Variants in PRKCA observed in about 807,000 individuals in gnomAD.
PRKCA encodes the protein protein kinase C alpha.
A neutral mutation model predicts 87.0 loss-of-function variants in PRKCA; 27 were observed. That is an observed-to-expected ratio of 0.31 (90% CI 0.23 to 0.43). PRKCA has a LOEUF of 0.43. PRKCA is among the 20% of genes least tolerant of loss of function. The probability of loss-of-function intolerance (pLI) is 1.00; values close to 1 mark genes in which losing one functional copy is unlikely to be tolerated. For missense variants in PRKCA, 518 were observed against 852.3 expected, an observed-to-expected ratio of 0.61 and a Z score of 4.88; for synonymous variants, 329 against 311.1, an observed-to-expected ratio of 1.06 and a Z score of -0.61.
At position 66,724,525 on chromosome 17, in the gene PRKCA, A is replaced by G. The variant is rs184180473; in HGVS notation, c.919-8163A>G. Among the ~76,000 whole-genome samples the G allele has an allele frequency of 3.9e-3, 593 of 152,294 alleles. 4 individuals are homozygous for G. The highest frequency in any genetic ancestry group is 0.024 in the Middle Eastern group (7 of 294). On this transcript the variant is annotated intron_variant, in intron 8 of 16. Transcript: ENST00000413366. ...CACATCAGCAGGAGCGTTTCTAATG[A>G]GTTAATATCTGCTTGAGGTCAGCAG...
chr17:66,581,765 G>A (rs1969443305), intron 3 of PRKCA, among the ~76,000 whole-genome samples: 2 of 152,168 alleles, frequency 1.3e-5, no homozygotes, highest in African/African-American at 2.4e-5. Context: ...ATGAGCCACC[G>A]TGCCCGGCCA....
intron 2 of PRKCA, among the ~76,000 whole-genome samples, chr17:66,354,091 C>T (rs747709479): frequency 3.9e-5 from 6 of 152,212 alleles, no homozygotes; most frequent in South Asian, 2.1e-4. Flanking sequence ...TGAGAGAGCT[C>T]GTGGCTAGGA....
intron 8 of PRKCA, among the ~76,000 whole-genome samples, chr17:66,705,485 T>C (rs1973167909): frequency 6.6e-6 from 1 of 152,226 alleles, no homozygotes; most frequent in Non-Finnish European, 1.5e-5. Flanking sequence ...AATAATTTTG[T>C]TGGGAAACCA....
chr17:66,646,121 G>A (rs1971447072), intron 5 of PRKCA, among the ~76,000 whole-genome samples: 1 of 152,158 alleles, frequency 6.6e-6, no homozygotes, highest in Admixed American at 6.5e-5. Flanking sequence ...GTGAGGAGCT[G>A]GGATAGGAAT....
At chr17:66,753,708 A>G (rs1974486087) in intron 13 of PRKCA, among the ~76,000 whole-genome samples, 1 of 152,166 alleles carries the variant, frequency 6.6e-6, no homozygotes, top group South Asian at 2.1e-4. Context: ...TGAACTCATC[A>G]AGGTGGCGCT....
intron 3 of PRKCA, among the ~76,000 whole-genome samples, chr17:66,614,569 C>A (rs1339766144): frequency 6.6e-6 from 1 of 152,182 alleles, no homozygotes; most frequent in Admixed American, 6.5e-5. Context: ...TCTTCCTCAG[C>A]CACTTAACAG....
At chr17:66,516,963 C>A (rs1292077561) in intron 3 of PRKCA, among the ~76,000 whole-genome samples, 1 of 152,172 alleles carries the variant, frequency 6.6e-6, no homozygotes, top group East Asian at 1.9e-4. Flanking sequence ...CTCAGCTCCT[C>A]CTGTGCCACC....
chr17:66,468,864 G>A (rs960547674), intron 2 of PRKCA, among the ~76,000 whole-genome samples: 1 of 152,100 alleles, frequency 6.6e-6, no homozygotes, highest in African/African-American at 2.4e-5. Context: ...TCTCTATTTT[G>A]CAATCCTCTC....
Position 66,302,993 on chromosome 17 carries a change from A to C in PRKCA, c.142A>C (p.Thr48Pro), listed in dbSNP as rs1321995232. 1 of 1,611,270 alleles carries C rather than the reference A, an allele frequency of 6.2e-7. No homozygotes were observed. The highest frequency in any genetic ancestry group is 1.7e-5 in the Admixed American group (1 of 59,730). ...KFIARFFKQP[T>P]FCSHCTDFIW... ...CATCGCGCGCTTCTTCAAGCAGCCCACCTTCTGCAGCCACTGCACCGACTT... is the reference window on the plus strand; with the variant it reads ...CATCGCGCGCTTCTTCAAGCAGCCCCCCTTCTGCAGCCACTGCACCGACTT... Residue 48 changes from threonine (T) to proline (P), a missense_variant, in exon 1 of 17, where the codon ACC (threonine) becomes CCC (proline). This residue lies in a region of PRKCA where 25 missense variants were observed against 72.1 expected (regional missense o/e 0.35). Transcript: ENST00000413366.
chr17:66,795,546 C>T (rs569006015), intron 16 of PRKCA, among the ~76,000 whole-genome samples: 325 of 152,312 alleles, frequency 2.1e-3, no homozygotes, highest in African/African-American at 7.5e-3. Context: ...AATCATTACT[C>T]TCTCAAATAC....
intron 16 of PRKCA, among the ~76,000 whole-genome samples, chr17:66,798,471 T>TGGTGAC (rs1975743809): frequency 7.8e-5 from 3 of 38,608 alleles, no homozygotes; most frequent in Non-Finnish European, 1.3e-4. Context: ...GTGGTGGTGG[T>TGGTGAC]GGTGGTGGTG....
In PRKCA at chr17:66,804,044, C is replaced by G; in HGVS notation, c.*7C>G. On this transcript the variant is annotated 3_prime_UTR_variant, in exon 17 of 17. Coordinates refer to ENST00000413366, the MANE Select transcript of PRKCA (RefSeq NM_002737.3). Reference sequence around the variant, plus strand: ...CTTACAGAGTGCAGTATGAAACTCACCAGCGAGAACAAACACCTCCCCAGC... The same window carrying G: ...CTTACAGAGTGCAGTATGAAACTCAGCAGCGAGAACAAACACCTCCCCAGC... 1 of 1,595,454 alleles carries G rather than the reference C, an allele frequency of 6.3e-7. No individual in the cohort carries two copies. The highest frequency in any genetic ancestry group is 8.6e-7 in the Non-Finnish European group (1 of 1,164,820).
intron 2 of PRKCA, among the ~76,000 whole-genome samples, chr17:66,406,656 A>C (rs966362417): frequency 2.2e-4 from 29 of 134,598 alleles, no homozygotes; most frequent in African/African-American, 7.9e-4. Context: ...TTTGTGCTGA[A>C]GTTGGATGGC....
In PRKCA at chr17:66,792,051, T is replaced by G. The variant is rs936741095; in HGVS notation, c.1854+3072T>G. On this transcript the variant is annotated intron_variant, in intron 16 of 16. Transcript: ENST00000413366. This position sits in a 1 kb window ranked among gnomAD's most constrained non-coding sequence, Gnocchi z 4.5. The stretch of plus-strand genomic sequence containing the variant: ...GCAAATGTCACACAGCTAGCGACTC[T>G]CACCGTGAGCCCATTTCTGAGTGGC... 2.6e-5 allele frequency among the ~76,000 whole-genome samples: 4 copies of G among 152,170 alleles called. No homozygotes were observed. The highest frequency in any genetic ancestry group is 2.0e-4 in the Admixed American group (3 of 15,272).
intron 2 of PRKCA, among the ~76,000 whole-genome samples, chr17:66,383,502 T>C (rs1445861382): frequency 6.6e-6 from 1 of 152,176 alleles, no homozygotes; most frequent in Non-Finnish European, 1.5e-5. Flanking sequence ...GTCACAACCC[T>C]CAGAAGTCAT....
intron 3 of PRKCA, among the ~76,000 whole-genome samples, chr17:66,562,332 A>G (rs1466374808): frequency 6.6e-6 from 1 of 151,458 alleles, no homozygotes; most frequent in Non-Finnish European, 1.5e-5. Context: ...GTACCACCCT[A>G]TAAATGCTGG....
intron 2 of PRKCA, among the ~76,000 whole-genome samples, chr17:66,410,300 A>C (rs1055299515): frequency 2.0e-5 from 3 of 151,868 alleles, no homozygotes; most frequent in Non-Finnish European, 2.9e-5. Context: ...GTACATGATG[A>C]ATACTGTGAA....
chr17:66,479,807 G>A (rs1440319176), intron 2 of PRKCA, among the ~76,000 whole-genome samples: 1 of 152,046 alleles, frequency 6.6e-6, no homozygotes, highest in East Asian at 1.9e-4. Context: ...TAAACAATGA[G>A]AACACATGGA....
At chr17:66,679,507 G>C (rs1972434144) in intron 5 of PRKCA, among the ~76,000 whole-genome samples, 1 of 152,140 alleles carries the variant, frequency 6.6e-6, no homozygotes, top group Non-Finnish European at 1.5e-5. Context: ...ATCAGGTGCA[G>C]CACCTTTAAA....
Sources: gnomAD v4.1 joint callset for allele counts (sites outside exome capture counted in the v4.1 genomes callset) on GRCh38, gnomAD v4.1.1 for gene constraint, gnomAD v4.1.1 regional missense constraint, Gnocchi (gnomAD v3.1) non-coding constraint, MANE v1.5 for transcripts, NCBI Gene and HGNC (gene_info 2026-07-23, HGNC 2026-07-21) for gene names.